The following MME variants were observed in gnomAD, a reference collection of about 807,000 sequenced individuals.
MME encodes the protein neprilysin.
A neutral mutation model predicts 113.2 loss-of-function variants in MME; 98 were observed. That is an observed-to-expected ratio of 0.87 (90% CI 0.74 to 1.02). The LOEUF is 1.02. MME is among the 50% of genes least tolerant of loss of function. The pLI is 0.00. For missense variants in MME, 836 were observed against 896.0 expected (o/e 0.93, Z 0.86); for synonymous variants, 292 against 300.6 (o/e 0.97, Z 0.30).
intron 1 of MME, among the ~76,000 whole-genome samples, chr3:155,064,396 G>A (rs964546431): frequency 1.1e-4 from 16 of 152,076 alleles, no homozygotes; most frequent in South Asian, 1.0e-3. Flanking sequence ...AAGAGAAGAC[G>A]GCCATGCAGC....
intron 7 of MME, among the ~76,000 whole-genome samples, chr3:155,117,832 G>A (rs912703239): frequency 4.6e-5 from 7 of 152,118 alleles, no homozygotes; most frequent in African/African-American, 1.7e-4. Context: ...GGCCCTTCAT[G>A]TGGAGATATC....
At chr3:155,117,842 C>G (rs1174031381) in intron 7 of MME, among the ~76,000 whole-genome samples, 1 of 152,108 alleles carries the variant, frequency 6.6e-6, no homozygotes, top group Non-Finnish European at 1.5e-5. Context: ...GTGGAGATAT[C>G]TTCTGGCTCT....
intron 1 of MME, among the ~76,000 whole-genome samples, chr3:155,066,407 T>C (rs1455236599): frequency 6.6e-6 from 1 of 152,184 alleles, no homozygotes; most frequent in Non-Finnish European, 1.5e-5. Flanking sequence ...TAAACTTCTT[T>C]GCTCACTCTC....
At chr3:155,129,140 T>C (rs1251936688) in intron 8 of MME, among the ~76,000 whole-genome samples, 3 of 152,288 alleles carry the variant, frequency 2.0e-5, no homozygotes, top group Non-Finnish European at 2.9e-5. Context: ...CAAAGAAAGA[T>C]GGTCTTAGAC....
intron 3 of MME, among the ~76,000 whole-genome samples, chr3:155,113,954 T>A (rs1718388060): frequency 6.6e-6 from 1 of 152,040 alleles, no homozygotes; most frequent in Non-Finnish European, 1.5e-5. Flanking sequence ...AAAAAGTGGT[T>A]CAATGGGGGG....
In MME at chr3:155,116,573, A is replaced by C. The variant is rs1394861111; in HGVS notation, c.439+14A>C. 3 of 1,527,720 alleles carry C rather than the reference A, an allele frequency of 2.0e-6. No individual in the cohort carries two copies. The South Asian group carries it at 3.4e-5, about 17-fold the overall frequency. The allele number at this position is 1,527,720 out of a possible 1,614,324, so 94.6% of individuals were successfully genotyped here. A position where few individuals can be genotyped will look rare whatever the true frequency, so the allele number is the denominator to read the frequency against. On this transcript the variant is annotated intron_variant, in intron 5 of 22. Coordinates refer to ENST00000360490, the MANE Select transcript of MME (RefSeq NM_007289.4). ...GTATAAATGAATGTAAGTGCTCTTCATTTGATTTCATTAGGAGTATATATA... is the reference window on the plus strand; with the variant it reads ...GTATAAATGAATGTAAGTGCTCTTCCTTTGATTTCATTAGGAGTATATATA...
chr3:155,031,986 C>G (rs1712989090), intron 1 of MME, among the ~76,000 whole-genome samples: 1 of 152,186 alleles, frequency 6.6e-6, no homozygotes, highest in South Asian at 2.1e-4. Context: ...ATTAAACATG[C>G]AGATAAACTA....
chr3:155,148,117 G>T (rs1576644519), intron 15 of MME, among the ~76,000 whole-genome samples: 1 of 152,158 alleles, frequency 6.6e-6, no homozygotes, highest in South Asian at 2.1e-4. Flanking sequence ...AATGGGGATA[G>T]GAGCCCTTAG....
At chr3:155,077,721 A>T (rs1004153043), upstream of MME, among the ~76,000 whole-genome samples, 2 of 151,376 alleles carry the variant, frequency 1.3e-5, no homozygotes, top group Admixed American at 1.3e-4. Flanking sequence ...ACAAAAAAAA[A>T]CGAACAACAG....
At chr3:155,037,517 A>T (rs1013566254) in intron 1 of MME, among the ~76,000 whole-genome samples, 2 of 152,142 alleles carry the variant, frequency 1.3e-5, no homozygotes, top group African/African-American at 4.8e-5. Flanking sequence ...CATTGTACAG[A>T]TGATATTCAA....
intron 3 of MME, among the ~76,000 whole-genome samples, chr3:155,105,004 T>TTTA (rs145952016): frequency 5.3e-5 from 8 of 152,162 alleles, no homozygotes; most frequent in African/African-American, 1.2e-4. Context: ...TAGAATACTT[T>TTTA]TTATTATTAT....
At chr3:155,038,006 A>G (rs1559888519) in intron 1 of MME, among the ~76,000 whole-genome samples, 1 of 152,170 alleles carries the variant, frequency 6.6e-6, no homozygotes, top group Non-Finnish European at 1.5e-5. Flanking sequence ...TGAAACAGAT[A>G]GTCTAATGAA....
intron 1 of MME, among the ~76,000 whole-genome samples, chr3:155,074,328 A>G (rs1714674002): frequency 2.6e-5 from 4 of 152,184 alleles, no homozygotes. Flanking sequence ...CAATTGACAT[A>G]TATTGATAAG....
At chr3:155,128,284 C>T (rs1309901945) in intron 8 of MME, among the ~76,000 whole-genome samples, 2 of 152,096 alleles carry the variant, frequency 1.3e-5, no homozygotes, top group Non-Finnish European at 2.9e-5. Flanking sequence ...CCTTATTTTT[C>T]CCATGATATT....
chr3:155,027,328 G>A (rs1316515724), intron 1 of MME, among the ~76,000 whole-genome samples: 1 of 152,154 alleles, frequency 6.6e-6, no homozygotes, highest in Non-Finnish European at 1.5e-5. Context: ...TCTCTAAAAT[G>A]CAGATCTGAT....
At chr3:155,152,660 G>C (rs1385429406) in intron 16 of MME, among the ~76,000 whole-genome samples, 1 of 152,084 alleles carries the variant, frequency 6.6e-6, no homozygotes, top group Non-Finnish European at 1.5e-5. Flanking sequence ...GGGCAACATG[G>C]TGAAACCTCG....
chr3:155,153,947 G>C (rs111890058), intron 16 of MME, among the ~76,000 whole-genome samples: 1 of 152,146 alleles, frequency 6.6e-6, no homozygotes, highest in East Asian at 1.9e-4. Context: ...GCGGGGTTTG[G>C]TTGCTGCTAT....
chr3:155,062,177 T>A lies in MME; in HGVS notation c.-10-21981T>A, dbSNP rs539758782. ...CCTTGCCATTGTAATTCTATTGTTT[T>A]ACATATTTAATATTAATTTATATGT... On this transcript the variant is annotated intron_variant, in intron 1 of 22. Transcript: ENST00000492661. Among the ~76,000 whole-genome samples the A allele has an allele frequency of 7.2e-5, 11 of 152,342 alleles. 1 individual carries two copies. In the South Asian group the frequency reaches 2.3e-3, roughly 32 times the overall value.
chr3:155,163,012 C>CAAA (rs57700088), intron 17 of MME, among the ~76,000 whole-genome samples: 1 of 78,266 alleles, frequency 1.3e-5, no homozygotes, highest in Non-Finnish European at 2.6e-5. Context: ...AACTCTGTCT[C>CAAA]AAAAAAAAAA....
Sources: gnomAD v4.1 joint callset for allele counts (sites outside exome capture counted in the v4.1 genomes callset) on GRCh38, gnomAD v4.1.1 for gene constraint, MANE v1.5 for transcripts, NCBI Gene and HGNC (gene_info 2026-07-23, HGNC 2026-07-21) for gene names.